The following PTER variants were observed in gnomAD, a reference collection of about 807,000 sequenced individuals.
PTER encodes N-acetyltaurine hydrolase.
A neutral mutation model predicts 29.6 loss-of-function variants in PTER; 38 were observed. The ratio of observed to expected loss-of-function variants is 1.28; its 90% CI spans 0.99 to 1.68. The LOEUF is 1.68. PTER is among the 40% of genes most tolerant of loss of function. PTER has a pLI of 0.00. For synonymous variants in PTER, 172 were observed against 154.5 expected (o/e 1.11, Z -0.84); for missense variants, 482 against 427.8 (o/e 1.13, Z -1.12).
intron 1 of PTER, among the ~76,000 whole-genome samples, chr10:16,438,920 C>CAAAAA (rs71374688): frequency 3.0e-5 from 3 of 101,358 alleles, no homozygotes; most frequent in African/African-American, 3.7e-5. Context: ...GACTCTGTCT[C>CAAAAA]AAAAAAAAAA....
At chr10:16,487,410 TC>T (rs1214745414) in intron 3 of PTER, among the ~76,000 whole-genome samples, 2 of 152,206 alleles carry the variant, frequency 1.3e-5, no homozygotes, top group Non-Finnish European at 2.9e-5. Flanking sequence ...CATAGCCTTT[TC>T]CTCACTGTCT....
At chr10:16,505,207 T>G in intron 4 of PTER, 47 bp downstream of exon 4, 1 of 1,598,366 alleles carries the variant, frequency 6.3e-7, no homozygotes, top group Non-Finnish European at 8.5e-7. Flanking sequence ...CCTAGCCCTT[T>G]TTGATTGTCA....
At chr10:16,454,814 A>G (rs1330270140) in intron 1 of PTER, among the ~76,000 whole-genome samples, 4 of 151,868 alleles carry the variant, frequency 2.6e-5, no homozygotes. Context: ...ATACTAATAT[A>G]TAATAATAAA....
At chr10:16,505,271 A>T in intron 4 of PTER, 111 bp downstream of exon 4, 1 of 1,314,656 alleles carries the variant, frequency 7.6e-7, no homozygotes, top group Non-Finnish European at 1.0e-6. Context: ...GCCGAACCAC[A>T]GACTTGCAGA....
At chr10:16,502,212 C>T (rs1208839422) in intron 3 of PTER, among the ~76,000 whole-genome samples, 1 of 152,176 alleles carries the variant, frequency 6.6e-6, no homozygotes, top group Non-Finnish European at 1.5e-5. Flanking sequence ...CTGCCCTCCC[C>T]CAGTACCCTG....
intron 1 of PTER, among the ~76,000 whole-genome samples, chr10:16,470,569 A>C (rs1835009701): frequency 1.3e-5 from 2 of 152,278 alleles, no homozygotes; most frequent in South Asian, 4.1e-4. Context: ...GGAGTTCAAG[A>C]CCAGCCTGGC....
At chr10:16,464,175 G>T (rs1190662220) in intron 1 of PTER, among the ~76,000 whole-genome samples, 1 of 152,138 alleles carries the variant, frequency 6.6e-6, no homozygotes, top group East Asian at 1.9e-4. Context: ...AATATAGAAA[G>T]CTGAGGGTTT....
intron 1 of PTER, among the ~76,000 whole-genome samples, chr10:16,455,373 G>A (rs1011387191): frequency 1.6e-4 from 24 of 152,070 alleles, no homozygotes; most frequent in African/African-American, 4.3e-4. Context: ...ATTTGCAACC[G>A]TGGCATAAAA....
chr10:16,456,109 A>G (rs1834385999), intron 1 of PTER, among the ~76,000 whole-genome samples: 1 of 152,200 alleles, frequency 6.6e-6, no homozygotes, highest in African/African-American at 2.4e-5. Flanking sequence ...CCAGTTGTTC[A>G]TTCTTCTGTT....
intron 1 of PTER, among the ~76,000 whole-genome samples, chr10:16,481,220 T>G (rs1835468745): frequency 6.6e-6 from 1 of 152,240 alleles, no homozygotes; most frequent in Non-Finnish European, 1.5e-5. Context: ...TGAGTGATGC[T>G]TAAGCCTCTC....
intron 1 of PTER, among the ~76,000 whole-genome samples, chr10:16,461,506 C>G (rs1472114122): frequency 2.0e-5 from 3 of 152,070 alleles, no homozygotes; most frequent in Non-Finnish European, 4.4e-5. Flanking sequence ...GTAGTCATTA[C>G]AGATTTGCCC....
intron 1 of PTER, among the ~76,000 whole-genome samples, chr10:16,448,330 A>G (rs982335625): frequency 6.6e-6 from 1 of 152,182 alleles, no homozygotes; most frequent in African/African-American, 2.4e-5. Context: ...CCTGTTGCAG[A>G]GCCTTCTTCT....
chr10:16,445,699 C>T (rs1833990790), intron 1 of PTER, among the ~76,000 whole-genome samples: 1 of 152,314 alleles, frequency 6.6e-6, no homozygotes, highest in African/African-American at 2.4e-5. Flanking sequence ...GTCTCCGATG[C>T]ACTGATGCAC....
chr10:16,451,074 C>A (rs1471740774), intron 1 of PTER, among the ~76,000 whole-genome samples: 5 of 152,144 alleles, frequency 3.3e-5, no homozygotes, highest in African/African-American at 7.2e-5. Flanking sequence ...GGCCCAAGAG[C>A]CCCTGGTAAA....
chr10:16,479,812 C>T (rs1239205171), intron 1 of PTER, among the ~76,000 whole-genome samples: 1 of 151,820 alleles, frequency 6.6e-6, no homozygotes, highest in Non-Finnish European at 1.5e-5. Flanking sequence ...GGGCTCCCTG[C>T]AGGTACAACG....
chr10:16,501,481 A>AT (rs1198297759), intron 3 of PTER, among the ~76,000 whole-genome samples: 1 of 152,094 alleles, frequency 6.6e-6, no homozygotes, highest in African/African-American at 2.4e-5. Context: ...AACTGTAAAG[A>AT]TTTAATCCTG....
At chr10:16,464,307 G>A (rs528744986) in intron 1 of PTER, among the ~76,000 whole-genome samples, 12 of 152,166 alleles carry the variant, frequency 7.9e-5, no homozygotes, top group Non-Finnish European at 4.4e-5. Flanking sequence ...TCAGCATTTT[G>A]ATTTAACTTT....
intron 1 of PTER, among the ~76,000 whole-genome samples, chr10:16,473,019 C>CA (rs375172424): frequency 0.19 from 25,320 of 134,930 alleles, 3,151 homozygotes; most frequent in African/African-American, 0.38. Context: ...AAACTTCAAC[C>CA]AAAAAAAAAA....
chr10:16,480,764 G>A (rs549014286), intron 1 of PTER, among the ~76,000 whole-genome samples: 1 of 152,268 alleles, frequency 6.6e-6, no homozygotes, highest in East Asian at 1.9e-4. Flanking sequence ...TAGCTGTGAG[G>A]AACTCTCAGT....
Sources: gnomAD v4.1 joint callset for allele counts (sites outside exome capture counted in the v4.1 genomes callset) on GRCh38, gnomAD v4.1.1 for gene constraint, MANE v1.5 for transcripts, NCBI Gene and HGNC (gene_info 2026-07-23, HGNC 2026-07-21) for gene names.